Variants in VWA3B observed in about 807,000 individuals in gnomAD.
VWA3B encodes von Willebrand factor A domain-containing protein 3B.
Under a neutral mutation model 158.3 loss-of-function variants are expected in VWA3B, and 138 were observed. The observed-to-expected ratio is 0.87, with a 90% confidence interval of 0.76 to 1.00. The LOEUF is 1.00. Ranked by LOEUF, VWA3B falls within the 50% of genes least tolerant of loss-of-function variation. VWA3B has a pLI of 0.00. For missense variants in VWA3B, 1,555 were observed against 1,565.1 expected (o/e 0.99, Z 0.11); for synonymous variants, 596 against 587.3 (o/e 1.01, Z -0.21).
At chr2:98,139,020 A>G (rs1676509496) in intron 7 of VWA3B, among the ~76,000 whole-genome samples, 1 of 151,966 alleles carries the variant, frequency 6.6e-6, no homozygotes. Flanking sequence ...CACGAGCGGG[A>G]GCCGGGGCTG....
chr2:98,303,548 A>C (rs1690329532), intron 25 of VWA3B, among the ~76,000 whole-genome samples, 154 bp from the exon 26 acceptor site: 1 of 152,146 alleles, frequency 6.6e-6, no homozygotes, highest in South Asian at 2.1e-4. Context: ...ATAATTGTCA[A>C]GTGAGGGTCT....
At chr2:98,169,773 G>C (rs527286452) in intron 8 of VWA3B, among the ~76,000 whole-genome samples, 2 of 150,198 alleles carry the variant, frequency 1.3e-5, no homozygotes, top group Admixed American at 6.7e-5. Context: ...CGGTGTGCCT[G>C]TTCTGGGCAT....
At chr2:98,277,869 T>C (rs541842663) in intron 22 of VWA3B, among the ~76,000 whole-genome samples, 176 of 152,332 alleles carry the variant, frequency 1.2e-3, no homozygotes, top group Non-Finnish European at 2.0e-3. Context: ...TGTCTTTCAG[T>C]TATCAGTTAT....
At chr2:98,188,262 A>G (rs1183821061) in intron 10 of VWA3B, 133 bp downstream of exon 10, 1 of 1,211,046 alleles carries the variant, frequency 8.3e-7, no homozygotes, top group Non-Finnish European at 1.1e-6. Flanking sequence ...ACAGAGTGAT[A>G]TTTAGGTGTG....
intron 10 of VWA3B, among the ~76,000 whole-genome samples, chr2:98,190,777 TTC>T (rs905410463): frequency 2.6e-5 from 4 of 152,164 alleles, no homozygotes; most frequent in African/African-American, 9.6e-5. Flanking sequence ...TTTTTAAAAT[TTC>T]TCTGTTTCTA....
At chr2:98,193,682 G>A (rs558894028) in intron 11 of VWA3B, among the ~76,000 whole-genome samples, 10 of 150,590 alleles carry the variant, frequency 6.6e-5, no homozygotes, top group African/African-American at 1.7e-4. Flanking sequence ...TGCAAGCTCC[G>A]CCTCCCGGGT....
intron 22 of VWA3B, among the ~76,000 whole-genome samples, chr2:98,284,074 C>G (rs1398635590): frequency 6.6e-6 from 1 of 152,208 alleles, no homozygotes; most frequent in Non-Finnish European, 1.5e-5. Flanking sequence ...AGCAAATGTG[C>G]AAGTTCCACA....
At chr2:98,295,929 G>A (rs963544332) in intron 23 of VWA3B, among the ~76,000 whole-genome samples, 1 of 152,222 alleles carries the variant, frequency 6.6e-6, no homozygotes, top group Non-Finnish European at 1.5e-5. Context: ...CCAGGTTGAA[G>A]CCAGACCGTA....
intron 24 of VWA3B, among the ~76,000 whole-genome samples, chr2:98,299,067 T>C (rs1316024003): frequency 6.6e-6 from 1 of 152,192 alleles, no homozygotes; most frequent in Non-Finnish European, 1.5e-5. Context: ...TTTCTCCTTT[T>C]GGTTTAGCTT....
At chr2:98,268,586 T>C (rs1688002175) in intron 21 of VWA3B, among the ~76,000 whole-genome samples, 2 of 152,104 alleles carry the variant, frequency 1.3e-5, no homozygotes, top group Admixed American at 1.3e-4. Flanking sequence ...TTTTCTGAGT[T>C]GTATTTGTTG....
chr2:98,306,825 T>C (rs1466361645), intron 26 of VWA3B, among the ~76,000 whole-genome samples: 11 of 152,198 alleles, frequency 7.2e-5, no homozygotes, highest in Admixed American at 3.3e-4. Flanking sequence ...ATGGTGGAAG[T>C]CTTCATTGAC....
intron 15 of VWA3B, among the ~76,000 whole-genome samples, chr2:98,229,842 T>A (rs1014059031): frequency 6.6e-6 from 1 of 152,132 alleles, no homozygotes; most frequent in Non-Finnish European, 1.5e-5. Context: ...GTGAGCTGTA[T>A]CTTCTGACTC....
At chr2:98,123,043 A>C (rs1675087719) in intron 5 of VWA3B, among the ~76,000 whole-genome samples, 1 of 152,142 alleles carries the variant, frequency 6.6e-6, no homozygotes, top group African/African-American at 2.4e-5. Flanking sequence ...TGCATATAAA[A>C]ATGCCGTGTC....
intron 9 of VWA3B, among the ~76,000 whole-genome samples, chr2:98,187,055 C>T (rs746100419): frequency 1.1e-4 from 16 of 152,132 alleles, no homozygotes; most frequent in Admixed American, 9.2e-4. Flanking sequence ...CCTTTGCTCT[C>T]GCTGCATCCT....
chr2:98,329,082 G>A, the VWA3B span, among the ~76,000 whole-genome samples: 1 of 152,098 alleles, frequency 6.6e-6, no homozygotes, highest in Non-Finnish European at 1.5e-5. Flanking sequence ...AATTTGATGG[G>A]GCAGAGAAAG....
intron 6 of VWA3B, among the ~76,000 whole-genome samples, chr2:98,133,228 AT>A (rs1284367301): frequency 1.3e-5 from 2 of 152,140 alleles, no homozygotes; most frequent in Non-Finnish European, 2.9e-5. Context: ...GGGAGTGTGT[AT>A]TCCTAACCTG....
At chr2:98,096,948 T>C (rs750363327) in intron 2 of VWA3B, among the ~76,000 whole-genome samples, 3 of 152,142 alleles carry the variant, frequency 2.0e-5, no homozygotes, top group Non-Finnish European at 4.4e-5. Context: ...TTGGGTTGTT[T>C]ATTTGAGATA....
chr2:98,241,006 C>T (rs532048571), intron 19 of VWA3B, among the ~76,000 whole-genome samples: 1 of 152,292 alleles, frequency 6.6e-6, no homozygotes, highest in Admixed American at 6.5e-5. Flanking sequence ...GCACAACCGA[C>T]AGTCTCAGGA....
chr2:98,128,114 A>C, intron 5 of VWA3B, 125 bp from the exon 6 acceptor site: 1 of 1,169,910 alleles, frequency 8.5e-7, no homozygotes, highest in South Asian at 1.5e-5. Flanking sequence ...AACCCTGGGC[A>C]GGGCTGCTAT....
Sources: allele counts gnomAD v4.1 joint callset (sites outside exome capture counted in the v4.1 genomes callset), GRCh38; gene constraint gnomAD v4.1.1; transcripts MANE v1.5; gene names NCBI Gene and HGNC (gene_info 2026-07-23, HGNC 2026-07-21).